EFCAB7: variants seen among roughly 807,000 people sequenced by gnomAD.
The protein encoded by EFCAB7 is EF-hand calcium-binding domain-containing protein 7.
A neutral mutation model predicts 77.1 loss-of-function variants in EFCAB7; 66 were observed. The observed-to-expected ratio is 0.86, with a 90% CI of 0.70 to 1.05. The LOEUF (loss-of-function observed/expected upper bound fraction) is 1.05, where lower values mean the gene tolerates loss of function less well. EFCAB7 is among the 50% of genes least tolerant of loss of function. The pLI, the probability that EFCAB7 is intolerant of heterozygous loss-of-function variation, is 0.00. For synonymous variants in EFCAB7, 225 were observed against 243.3 expected (o/e 0.92, Z 0.70); for missense variants, 638 against 730.5 (o/e 0.87, Z 1.46).
At chr1:63,524,534 A>C (rs1646545270) in intron 1 of EFCAB7, among the ~76,000 whole-genome samples, 1 of 152,246 alleles carries the variant, frequency 6.6e-6, no homozygotes, top group Non-Finnish European at 1.5e-5. Context: ...GAATGCAATG[A>C]GTCCTGAAGG....
At chr1:63,562,113 T>C (rs1028880772) in intron 11 of EFCAB7, among the ~76,000 whole-genome samples, 2 of 152,068 alleles carry the variant, frequency 1.3e-5, no homozygotes, top group Admixed American at 1.3e-4. Context: ...GAAAAAAATT[T>C]GGTATTAAAA....
At chr1:63,549,328 G>A (rs1646938164) in intron 7 of EFCAB7, 1 of 470,524 alleles carries the variant, frequency 2.1e-6, no homozygotes. Flanking sequence ...CTTTTGAAAG[G>A]TGTACTGCAA....
chr1:63,525,818 C>A, intron 2 of EFCAB7, 59 bp downstream of exon 2: 1 of 1,181,886 alleles, frequency 8.5e-7, no homozygotes, highest in Non-Finnish European at 1.2e-6. Flanking sequence ...TAAATAGGTC[C>A]GAAAGACTGA....
intron 11 of EFCAB7, among the ~76,000 whole-genome samples, chr1:63,562,675 C>CT (rs1208989157): frequency 9.4e-4 from 129 of 137,886 alleles, no homozygotes; most frequent in Middle Eastern, 3.5e-3. Flanking sequence ...AATTTTTTAA[C>CT]TTTTTTTTTT....
chr1:63,579,381 T>G, the EFCAB7 span, among the ~76,000 whole-genome samples: 1 of 152,228 alleles, frequency 6.6e-6, no homozygotes, highest in Admixed American at 6.5e-5. Context: ...ATCATCCAAA[T>G]TGTATGTATC....
At chr1:63,546,523 G>A (rs1646900611) in intron 7 of EFCAB7, among the ~76,000 whole-genome samples, 2 of 151,840 alleles carry the variant, frequency 1.3e-5, no homozygotes, top group Non-Finnish European at 2.9e-5. Context: ...ACACCACCTC[G>A]CCCGCCTAAT....
chr1:63,566,310 C>G (rs1181076084), intron 11 of EFCAB7, among the ~76,000 whole-genome samples: 3 of 152,114 alleles, frequency 2.0e-5, no homozygotes, highest in Admixed American at 6.5e-5. Flanking sequence ...AACACATGGA[C>G]ACATAAAGGG....
chr1:63,533,325 G>T (rs903461591), intron 4 of EFCAB7, 129 bp from the exon 5 acceptor site: 2 of 651,500 alleles, frequency 3.1e-6, no homozygotes, highest in East Asian at 6.1e-5. Context: ...AAAATAAAAT[G>T]CGTAACCATC....
chr1:63,532,109 A>T lies in EFCAB7; in HGVS notation c.399+78A>T, dbSNP rs760094112. ...AATCTAGCTTTGACTACCAAAGTCCACATTAAAAATAAGTATTTCATTGAG... is the reference window on the plus strand; with the variant it reads ...AATCTAGCTTTGACTACCAAAGTCCTCATTAAAAATAAGTATTTCATTGAG... On this transcript the variant is annotated intron_variant, in intron 3 of 13. Coordinates refer to ENST00000371088, the MANE Select transcript of EFCAB7 (RefSeq NM_032437.4). 7.4e-5 allele frequency: 77 copies of T among 1,042,970 alleles called. 1 individual carries two copies. Among genetic ancestry groups the T allele is most frequent in the Non-Finnish European group, 1.1e-4 (74 of 698,066 alleles). 64.6% of individuals were successfully genotyped at this position (1,042,970 alleles called of 1,614,324 possible).
chr1:63,543,858 A>C (rs74078257), intron 6 of EFCAB7, among the ~76,000 whole-genome samples: 2,531 of 152,282 alleles, frequency 0.017, 83 homozygotes, highest in African/African-American at 0.058. Context: ...GCATTTTTGC[A>C]CATAGCTATG....
chr1:63,531,253 T>A (rs76257298), intron 2 of EFCAB7, among the ~76,000 whole-genome samples: 1 of 152,092 alleles, frequency 6.6e-6, no homozygotes, highest in South Asian at 2.1e-4. Flanking sequence ...ACTTTTTTTT[T>A]AAGATTCCAC....
chr1:63,548,158 T>C (rs1646921771), intron 7 of EFCAB7: 1 of 152,296 alleles, frequency 6.6e-6, no homozygotes, highest in South Asian at 2.1e-4. Context: ...GAATACTCTG[T>C]GCAGAGGCTC....
chr1:63,577,482 A>T (rs181247457), downstream of EFCAB7, among the ~76,000 whole-genome samples: 24 of 152,320 alleles, frequency 1.6e-4, no homozygotes, highest in Non-Finnish European at 3.4e-4. Context: ...TTTCTGATAT[A>T]GTATGCGGAA....
intron 10 of EFCAB7, among the ~76,000 whole-genome samples, chr1:63,559,710 G>A (rs901475601): frequency 6.6e-6 from 1 of 152,030 alleles, no homozygotes; most frequent in Non-Finnish European, 1.5e-5. Flanking sequence ...CTCTTGTCTT[G>A]TACAGTTCTA....
At chr1:63,578,000 A>AT in the EFCAB7 span, among the ~76,000 whole-genome samples, 1 of 152,222 alleles carries the variant, frequency 6.6e-6, no homozygotes, top group African/African-American at 2.4e-5. Flanking sequence ...TTTAATAACT[A>AT]TTAAAGGAAA....
At chr1:63,579,042 TAAA>T in the EFCAB7 span, among the ~76,000 whole-genome samples, 3 of 149,732 alleles carry the variant, frequency 2.0e-5, no homozygotes, top group Admixed American at 6.7e-5. Flanking sequence ...TTATTTCAGA[TAAA>T]AAAAAAATCA....
intron 6 of EFCAB7, among the ~76,000 whole-genome samples, chr1:63,539,291 G>A (rs556068561): frequency 6.6e-6 from 1 of 152,036 alleles, no homozygotes; most frequent in Admixed American, 6.6e-5. Flanking sequence ...TTTTAAAGCT[G>A]GGGGTAGGGC....
rs1646788354 is a variant in EFCAB7, at chr1:63,538,439, A to C, written c.804+4223A>C. ...TATGATTGAAAGTCTATTTGTTTGA[A>C]AGGGTATTTTTTTTTCTTTTTCTTT... On this transcript the variant is annotated intron_variant, in intron 6 of 13. Transcript: ENST00000371088. Among the ~76,000 whole-genome samples, 3 of 149,198 alleles carry C rather than the reference A, an allele frequency of 2.0e-5. No homozygotes were observed. In the South Asian group the frequency reaches 6.4e-4, roughly 32 times the overall value.
intron 1 of EFCAB7, among the ~76,000 whole-genome samples, chr1:63,525,204 G>T (rs1228182536): frequency 6.6e-6 from 1 of 152,026 alleles, no homozygotes; most frequent in Non-Finnish European, 1.5e-5. Context: ...TCTGACTTTC[G>T]TATTTTGAGA....
Sources: allele counts gnomAD v4.1 joint callset (sites outside exome capture counted in the v4.1 genomes callset), GRCh38; gene constraint gnomAD v4.1.1; transcripts MANE v1.5; gene names NCBI Gene and HGNC (gene_info 2026-07-23, HGNC 2026-07-21).